Variants in ATP6V1H observed in about 807,000 individuals in gnomAD.
ATP6V1H encodes ATPase H+ transporting V1 subunit H.
ATP6V1H carries 39 observed loss-of-function variants against 71.7 expected under a neutral mutation model. That is an observed-to-expected ratio of 0.54 (90% CI 0.42 to 0.71). The LOEUF is 0.71. Among genes scored for constraint, ATP6V1H ranks in the 30% least tolerant of loss-of-function variants. The pLI is 0.00. For synonymous variants in ATP6V1H, 192 were observed against 199.3 expected (o/e 0.96, Z 0.31); for missense variants, 509 against 594.9 (o/e 0.86, Z 1.50).
At position 53,752,839 on chromosome 8, in the gene ATP6V1H, C is replaced by T. The variant is rs111725836; in HGVS notation, c.1277+3716G>A. Among the ~76,000 whole-genome samples the T allele has an allele frequency of 2.5e-3, 376 of 152,272 alleles. 2 individuals carry two copies. The highest frequency in any genetic ancestry group is 8.3e-3 in the African/African-American group (343 of 41,546). On this transcript the variant is annotated intron_variant, in intron 12 of 13. Coordinates refer to ENST00000359530, the MANE Select transcript of ATP6V1H (RefSeq NM_015941.4). ...TGCTGGGATTACAGGCGTGAGCTAC[C>T]GCACCCAGCGATCCTTTCTTATGAC...
chr8:53,721,571 T>C (rs1278904859), intron 13 of ATP6V1H, among the ~76,000 whole-genome samples: 1 of 152,206 alleles, frequency 6.6e-6, no homozygotes, highest in Non-Finnish European at 1.5e-5. Context: ...GCCCAATTTA[T>C]AGATACGTAA....
intron 7 of ATP6V1H, among the ~76,000 whole-genome samples, chr8:53,803,327 ACT>A (rs1317258866): frequency 3.9e-5 from 6 of 151,988 alleles, no homozygotes; most frequent in Non-Finnish European, 4.4e-5. Flanking sequence ...ACAGAGTGAG[ACT>A]CTATCTCAAA....
rs1020299791 is a variant in ATP6V1H, at chr8:53,820,315, A to C, written c.307-2785T>G. Among the ~76,000 whole-genome samples, 23 of 151,936 alleles carry C rather than the reference A, an allele frequency of 1.5e-4. No homozygotes were observed. The East Asian group carries it at 2.5e-3, about 17-fold the overall frequency. On this transcript the variant is annotated intron_variant, in intron 4 of 13. Coordinates refer to ENST00000359530, the MANE Select transcript of ATP6V1H (RefSeq NM_015941.4). ...AAAAAAAAAGAAGAAGAAGAAGAAG[A>C]AGCATCTTTAGGAGATTGGGTGGCA...
chr8:53,838,509 T>C (rs558541700), intron 2 of ATP6V1H, among the ~76,000 whole-genome samples: 1 of 152,358 alleles, frequency 6.6e-6, no homozygotes, highest in South Asian at 2.1e-4. Flanking sequence ...TTTCCTTTTG[T>C]TGTAAATATA....
At chr8:53,819,435 G>A (rs966465834) in intron 4 of ATP6V1H, among the ~76,000 whole-genome samples, 2 of 149,160 alleles carry the variant, frequency 1.3e-5, no homozygotes, top group African/African-American at 2.5e-5. Flanking sequence ...CGGAAGCTGA[G>A]GCAGGAGAAT....
intron 7 of ATP6V1H, chr8:53,806,870 A>T: frequency 2.2e-6 from 1 of 454,992 alleles, no homozygotes; most frequent in Non-Finnish European, 4.4e-6. Context: ...TGAAAGTGAA[A>T]ATCATAATGG....
chr8:53,828,241 G>A (rs1810885458), intron 4 of ATP6V1H, among the ~76,000 whole-genome samples: 1 of 152,124 alleles, frequency 6.6e-6, no homozygotes, highest in South Asian at 2.1e-4. Flanking sequence ...ACTATTTTCT[G>A]TGTATTTTAG....
Position 53,808,903 on chromosome 8 carries a change from T to C in ATP6V1H, c.579+2261A>G, listed in dbSNP as rs1194189725. Among the ~76,000 whole-genome samples, 7 of 152,208 alleles carry C rather than the reference T, an allele frequency of 4.6e-5. No individual in the cohort carries two copies. In the East Asian group the frequency reaches 1.3e-3, roughly 29 times the overall value. On this transcript the variant is annotated intron_variant, in intron 7 of 13. Transcript: ENST00000359530. ...GTAAGACTGTTGAATCATGTTTATT[T>C]CACATTTTGCAGTGTAAAACTTGTT...
At chr8:53,795,563 A>AT (rs1246900780) in intron 9 of ATP6V1H, 84 bp downstream of exon 9, 4 of 1,247,844 alleles carry the variant, frequency 3.2e-6, no homozygotes, top group Non-Finnish European at 4.6e-6. Context: ...AGAACAAGTA[A>AT]TTTTTTCCCG....
chr8:53,796,937 T>C (rs1168718420), intron 8 of ATP6V1H, among the ~76,000 whole-genome samples: 3 of 152,274 alleles, frequency 2.0e-5, no homozygotes, highest in Non-Finnish European at 4.4e-5. Context: ...GTATGATTTG[T>C]ATATAGTTCA....
chr8:53,782,986 T>A (rs1809220238), intron 9 of ATP6V1H, among the ~76,000 whole-genome samples: 1 of 152,246 alleles, frequency 6.6e-6, no homozygotes. Flanking sequence ...TCATCAAGGA[T>A]ATTAGTCTAA....
chr8:53,810,930 A>G (rs1810253716), intron 7 of ATP6V1H, among the ~76,000 whole-genome samples: 1 of 152,178 alleles, frequency 6.6e-6, no homozygotes, highest in East Asian at 1.9e-4. Flanking sequence ...GTCTGAAACA[A>G]AAGTCACCTG....
rs1226888876 is a variant in ATP6V1H, at chr8:53,819,723, GTA to G, written c.307-2195_307-2194del. 3.7e-5 allele frequency among the ~76,000 whole-genome samples: 5 copies of G among 133,366 alleles called. 1 individual carries two copies. The South Asian group carries it at 9.6e-4, about 26-fold the overall frequency. The allele number at this position is 133,366 out of a possible 152,430, so 87.5% of individuals were successfully genotyped here. On this transcript the variant is annotated intron_variant, in intron 4 of 13. Coordinates refer to ENST00000359530, the MANE Select transcript of ATP6V1H (RefSeq NM_015941.4). ...GTATATACGTATATACATATACTTT[GTA>G]TATATATAGTATATAGTGTGTGTAT...
chr8:53,823,929 T>A (rs1810741095), intron 4 of ATP6V1H, among the ~76,000 whole-genome samples: 1 of 149,108 alleles, frequency 6.7e-6, no homozygotes. Context: ...AAACTATAGA[T>A]CAATTAATAT....
At position 53,808,681 on chromosome 8, in the gene ATP6V1H, G is replaced by GT. The variant is rs202049361; in HGVS notation, c.579+2482dup. The stretch of plus-strand genomic sequence containing the variant: ...GCTACTGGTGGGATGGGGGTCAGAG[G>GT]TTGGTGGTGGTGGTTGGGCTGAGGC... On this transcript the variant is annotated intron_variant, in intron 7 of 13. Coordinates refer to ENST00000359530, the MANE Select transcript of ATP6V1H (RefSeq NM_015941.4). 2.7e-3 allele frequency among the ~76,000 whole-genome samples: 404 copies of GT among 152,064 alleles called. 1 individual carries two copies. The highest frequency in any genetic ancestry group is 9.3e-3 in the African/African-American group (384 of 41,466).
chr8:53,801,923 T>C, intron 7 of ATP6V1H, 27 bp from the exon 8 acceptor site: 1 of 1,596,624 alleles, frequency 6.3e-7, no homozygotes, highest in Non-Finnish European at 8.6e-7. Flanking sequence ...GTTGAGTTTT[T>C]AAATGGGAAG....
chr8:53,774,119 AATGGCTGC>A (rs1808777547), intron 9 of ATP6V1H, among the ~76,000 whole-genome samples: 1 of 152,254 alleles, frequency 6.6e-6, no homozygotes, highest in African/African-American at 2.4e-5. Context: ...TTGAAGAAAT[AATGGCTGC>A]AAGTTTCCCA....
intron 9 of ATP6V1H, among the ~76,000 whole-genome samples, chr8:53,774,178 T>G (rs1808780226): frequency 6.6e-6 from 1 of 152,232 alleles, no homozygotes; most frequent in African/African-American, 2.4e-5. Flanking sequence ...AGATGTCCAG[T>G]GAACACCAAG....
At chr8:53,784,224 C>G (rs1809281476) in intron 9 of ATP6V1H, among the ~76,000 whole-genome samples, 1 of 152,178 alleles carries the variant, frequency 6.6e-6, no homozygotes, top group Non-Finnish European at 1.5e-5. Flanking sequence ...TCTGGATGCT[C>G]CTGTATTGGG....
Sources: gnomAD v4.1 joint callset for allele counts (sites outside exome capture counted in the v4.1 genomes callset) on GRCh38, gnomAD v4.1.1 for gene constraint, MANE v1.5 for transcripts, NCBI Gene and HGNC (gene_info 2026-07-23, HGNC 2026-07-21) for gene names.